DDX10: variants seen among roughly 807,000 people sequenced by gnomAD.
DDX10 encodes DEAD-box helicase 10, also known as probable ATP-dependent RNA helicase DDX10.
Under a neutral mutation model 104.3 loss-of-function variants are expected in DDX10, and 74 were observed. The observed-to-expected ratio is 0.71, with a 90% CI of 0.59 to 0.86. The LOEUF (loss-of-function observed/expected upper bound fraction) is 0.86, where lower values mean the gene tolerates loss of function less well. Ranked by LOEUF, DDX10 falls within the 40% of genes least tolerant of loss-of-function variation. The pLI is 0.00. For missense variants in DDX10, 952 were observed against 1,040.0 expected (o/e 0.92, Z 1.16); for synonymous variants, 351 against 353.4 (o/e 0.99, Z 0.08).
At chr11:108,785,951 T>C (rs1195002080) in intron 13 of DDX10, among the ~76,000 whole-genome samples, 4 of 152,180 alleles carry the variant, frequency 2.6e-5, no homozygotes, top group Non-Finnish European at 5.9e-5. Context: ...ATTCTTGAGA[T>C]CTTTCCGACC....
intron 13 of DDX10, among the ~76,000 whole-genome samples, chr11:108,788,590 C>T (rs573609376): frequency 1.3e-5 from 2 of 152,264 alleles, no homozygotes; most frequent in Admixed American, 6.5e-5. Context: ...CTCGAACTCC[C>T]GACCTCAGGT....
chr11:108,858,232 G>T (rs1197337908), intron 16 of DDX10, among the ~76,000 whole-genome samples: 1 of 151,876 alleles, frequency 6.6e-6, no homozygotes. Context: ...GCCTCCTTCA[G>T]GCCGACTCAT....
intron 16 of DDX10, among the ~76,000 whole-genome samples, chr11:108,897,900 C>T (rs1427733879): frequency 2.0e-5 from 3 of 152,056 alleles, no homozygotes; most frequent in African/African-American, 7.2e-5. Flanking sequence ...CTAGTATCAA[C>T]TCAATCCAAT....
chr11:108,864,498 G>A (rs1270932047), intron 16 of DDX10, among the ~76,000 whole-genome samples: 1 of 151,830 alleles, frequency 6.6e-6, no homozygotes, highest in Non-Finnish European at 1.5e-5. Context: ...TTGGTGACAG[G>A]GTCTTACTCT....
chr11:108,757,317 C>G (rs1397150681), intron 13 of DDX10, among the ~76,000 whole-genome samples: 1 of 152,062 alleles, frequency 6.6e-6, no homozygotes, highest in Non-Finnish European at 1.5e-5. Context: ...GTCTGTGTAA[C>G]ATAAGCTACA....
At chr11:108,698,217 G>A (rs573480881) in intron 9 of DDX10, among the ~76,000 whole-genome samples, 1 of 152,288 alleles carries the variant, frequency 6.6e-6, no homozygotes, top group East Asian at 1.9e-4. Context: ...TAGCTAATGA[G>A]AATTTTTTAA....
At chr11:108,672,853 G>A (rs994097480) in intron 1 of DDX10, among the ~76,000 whole-genome samples, 2 of 152,186 alleles carry the variant, frequency 1.3e-5, no homozygotes, top group Admixed American at 6.5e-5. Context: ...TGTAAAGTTA[G>A]CAAAATGTTA....
chr11:108,820,998 C>CT (rs972308023), intron 13 of DDX10, among the ~76,000 whole-genome samples: 8 of 152,284 alleles, frequency 5.3e-5, no homozygotes, highest in African/African-American at 1.9e-4. Context: ...CCAAGCTCAA[C>CT]TTAGTTCCAC....
intron 10 of DDX10, among the ~76,000 whole-genome samples, chr11:108,709,819 T>A (rs2094281682): frequency 6.6e-6 from 1 of 152,132 alleles, no homozygotes; most frequent in South Asian, 2.1e-4. Flanking sequence ...TGCTTTTGAT[T>A]TAATTTACCC....
chr11:108,737,266 T>C (rs530315373), intron 13 of DDX10, among the ~76,000 whole-genome samples: 2 of 152,348 alleles, frequency 1.3e-5, no homozygotes, highest in African/African-American at 2.4e-5. Flanking sequence ...TGTTTTGCCA[T>C]AGGACAAAAA....
chr11:108,820,576 A>G (rs953577396), intron 13 of DDX10, among the ~76,000 whole-genome samples: 4 of 152,204 alleles, frequency 2.6e-5, no homozygotes, highest in Non-Finnish European at 4.4e-5. Flanking sequence ...GGAACCAGAC[A>G]TTATAGTTGT....
At chr11:108,779,927 A>G (rs2094375899) in intron 13 of DDX10, among the ~76,000 whole-genome samples, 1 of 152,170 alleles carries the variant, frequency 6.6e-6, no homozygotes, top group Non-Finnish European at 1.5e-5. Context: ...TTGGAGTGAG[A>G]TGAGTTAGTA....
At chr11:108,875,954 A>G (rs1365054493) in intron 16 of DDX10, among the ~76,000 whole-genome samples, 2 of 152,182 alleles carry the variant, frequency 1.3e-5, no homozygotes, top group Non-Finnish European at 2.9e-5. Context: ...TAAGGTCGTT[A>G]TGTACACTAG....
chr11:108,750,543 C>T (rs907649966), intron 13 of DDX10, among the ~76,000 whole-genome samples: 5 of 152,126 alleles, frequency 3.3e-5, no homozygotes, highest in Admixed American at 1.3e-4. Flanking sequence ...CCCCCTTCAG[C>T]AGTCTGATAA....
At chr11:108,906,119 G>T (rs1863593793) in intron 16 of DDX10, among the ~76,000 whole-genome samples, 2 of 151,926 alleles carry the variant, frequency 1.3e-5, no homozygotes, top group Admixed American at 6.6e-5. Context: ...TAATATTTTA[G>T]TCATCAAACT....
intron 16 of DDX10, among the ~76,000 whole-genome samples, chr11:108,854,174 T>G (rs1862834366): frequency 6.6e-6 from 1 of 152,208 alleles, no homozygotes; most frequent in Admixed American, 6.5e-5. Context: ...TGCACCCAAC[T>G]TCCTTTCAAA....
chr11:108,795,435 G>A (rs943725333), intron 13 of DDX10, among the ~76,000 whole-genome samples: 2 of 151,508 alleles, frequency 1.3e-5, no homozygotes, highest in African/African-American at 4.9e-5. Context: ...TTGGTGTGCT[G>A]CACCCTTTAA....
At chr11:108,851,669 G>A (rs1862794583) in intron 15 of DDX10, among the ~76,000 whole-genome samples, 4 of 149,130 alleles carry the variant, frequency 2.7e-5, no homozygotes. Flanking sequence ...TTATTAGAAT[G>A]TATCGCAAAA....
At chr11:108,851,839 G>A (rs1349718684) in intron 15 of DDX10, among the ~76,000 whole-genome samples, 1 of 152,036 alleles carries the variant, frequency 6.6e-6, no homozygotes, top group African/African-American at 2.4e-5. Flanking sequence ...GTAATCTCTA[G>A]AATGTGTCTC....
Sources: gnomAD v4.1 joint callset for allele counts (sites outside exome capture counted in the v4.1 genomes callset) on GRCh38, gnomAD v4.1.1 for gene constraint, MANE v1.5 for transcripts, NCBI Gene and HGNC (gene_info 2026-07-23, HGNC 2026-07-21) for gene names.